Variants in NQO2 observed in about 807,000 individuals in gnomAD.
NQO2 encodes ribosyldihydronicotinamide dehydrogenase [quinone].
NQO2 carries 18 observed loss-of-function variants against 22.0 expected under a neutral mutation model. That is an observed-to-expected ratio of 0.82 (90% CI 0.56 to 1.21). The LOEUF (loss-of-function observed/expected upper bound fraction) is 1.21. Among genes scored for constraint, NQO2 ranks in the 50% most tolerant of loss-of-function variants. NQO2 has a pLI of 0.00. For synonymous variants in NQO2, 106 were observed against 110.8 expected, an observed-to-expected ratio of 0.96 and a Z score of 0.28; for missense variants, 267 against 286.9, an observed-to-expected ratio of 0.93 and a Z score of 0.50.
rs1428010353 is a variant in NQO2 at position 3,019,292 on chromosome 6, G to A, written c.520-187G>A. ...ATTGCAACTGCCCCAAGTTCTTCAC[G>A]GCTCTTATGCAAGGCTGTGTCCTAA... On this transcript the variant is annotated intron_variant, in intron 6 of 6. Coordinates refer to ENST00000380455, the MANE Select transcript of NQO2 (RefSeq NM_000904.6). The A allele has an allele frequency of 1.1e-5, 10 of 931,904 alleles. No individual in the cohort carries two copies. The East Asian group carries it at 3.5e-4, about 33-fold the overall frequency. 57.7% of individuals were successfully genotyped at this position (931,904 alleles called of 1,614,324 possible).
intron 1 of NQO2, among the ~76,000 whole-genome samples, chr6:3,004,927 T>C (rs1756890565): frequency 6.6e-6 from 1 of 152,182 alleles, no homozygotes; most frequent in African/African-American, 2.4e-5. Flanking sequence ...CCCGAGTAGC[T>C]GGGATTACAG....
rs1303436062 is a variant in NQO2 at position 3,010,112 on chromosome 6, G to A, written c.95G>A (p.Arg32Lys). 1.2e-6 allele frequency: 2 copies of A among 1,614,092 alleles called. No individual in the cohort carries two copies. The highest frequency in any genetic ancestry group is 1.7e-6 in the Non-Finnish European group (2 of 1,179,990). Reference protein sequence around the residue: ...LKNVAVDELSRQGCTVTVSDL... With the variant: ...LKNVAVDELSKQGCTVTVSDL... Reference sequence around the variant, plus strand: ...AATGTGGCTGTAGATGAACTGAGCAGGCAGGGCTGCACCGTCACAGTGTCT... The same window carrying A: ...AATGTGGCTGTAGATGAACTGAGCAAGCAGGGCTGCACCGTCACAGTGTCT... Residue 32 changes from arginine (R) to lysine (K), a missense_variant, in exon 3 of 7, where the codon AGG becomes AAG. Transcript: ENST00000380455.
intron 4 of NQO2, among the ~76,000 whole-genome samples, chr6:3,013,788 G>A (rs1757228477): frequency 6.6e-6 from 1 of 152,192 alleles, no homozygotes; most frequent in Non-Finnish European, 1.5e-5. Context: ...TGAGGGAATT[G>A]TTGGGTGACA....
At chr6:3,004,899 C>A (rs896113942) in intron 1 of NQO2, among the ~76,000 whole-genome samples, 1 of 152,068 alleles carries the variant, frequency 6.6e-6, no homozygotes, top group Non-Finnish European at 1.5e-5. Flanking sequence ...TGGACAGAGT[C>A]TCGCTCTGTC....
chr6:3,016,750 G>A, intron 5 of NQO2, 134 bp from the exon 6 acceptor site: 1 of 1,474,058 alleles, frequency 6.8e-7, no homozygotes, highest in Admixed American at 2.1e-5. Flanking sequence ...TGGGAGTGTT[G>A]CATTTGTCCA....
In NQO2 at chr6:3,006,996, G is replaced by A. The variant is rs531708898; in HGVS notation, c.7+437G>A. On this transcript the variant is annotated intron_variant, in intron 2 of 6. Transcript: ENST00000380455. This position sits in a 1 kb window ranked among gnomAD's most constrained non-coding sequence, Gnocchi z 4.0. ...AACTGCTTATCATGCACATATACAT[G>A]AACATGCAATCTCTCAACTTTTTAA... 132 of 399,558 alleles carry A rather than the reference G, an allele frequency of 3.3e-4. No homozygotes were observed. Among genetic ancestry groups the A allele is most frequent in the African/African-American group, 2.4e-3 (119 of 48,722 alleles). The allele number at this position is 399,558 out of a possible 1,614,324, so 24.8% of individuals were successfully genotyped here. A position where few individuals can be genotyped will look rare whatever the true frequency, so the allele number is the denominator to read the frequency against.
At chr6:3,002,787 T>G (rs1756782469) in intron 1 of NQO2, among the ~76,000 whole-genome samples, 1 of 151,916 alleles carries the variant, frequency 6.6e-6, no homozygotes, top group Admixed American at 6.6e-5. Flanking sequence ...ACAGGCTTTC[T>G]TTTTTTTCTT....
intron 5 of NQO2, among the ~76,000 whole-genome samples, chr6:3,016,352 A>G (rs971938201): frequency 6.7e-6 from 1 of 149,960 alleles, no homozygotes; most frequent in Non-Finnish European, 1.5e-5. Flanking sequence ...ACTGGTTTGA[A>G]CCTGGGAGGT....
At position 3,005,582 on chromosome 6, in the gene NQO2, A is replaced by C. The variant is rs576894596; in HGVS notation, c.-85-886A>C. 8 of 920,790 alleles carry C rather than the reference A, an allele frequency of 8.7e-6. 1 individual carries two copies. In the South Asian group the frequency reaches 3.5e-4, roughly 40 times the overall value. 57.0% of individuals were successfully genotyped at this position (920,790 alleles called of 1,614,324 possible). ...AAGCCTTCTGCCCATTTTTGCATTG[A>C]GTTGTTTGCTTTGTTGTTGTTAAGT... is the stretch of plus-strand genomic sequence containing the variant. On this transcript the variant is annotated intron_variant, in intron 1 of 6. Coordinates refer to ENST00000380455, the MANE Select transcript of NQO2 (RefSeq NM_000904.6).
chr6:3,019,430 G>A (rs774349304), intron 6 of NQO2, 49 bp from the exon 7 acceptor site: 7 of 1,565,424 alleles, frequency 4.5e-6, no homozygotes, highest in African/African-American at 1.4e-5. Context: ...TGAATGGTAT[G>A]TAACAGGTGT....
In NQO2 at chr6:3,006,587, C is replaced by A; in HGVS notation, c.7+28C>A. On this transcript the variant is annotated intron_variant, in intron 2 of 6. Coordinates refer to ENST00000380455, the MANE Select transcript of NQO2 (RefSeq NM_000904.6). The surrounding 1 kb of genome is among the most constrained non-coding windows in gnomAD (Gnocchi z 4.0). ...AATGATTCACTATTGTGGAGTAAGA[C>A]TTTTTTTTTTTTGAGATGGGATTTT... 2 of 1,183,772 alleles carry A rather than the reference C, an allele frequency of 1.7e-6. No homozygotes were observed. Among genetic ancestry groups the A allele is most frequent in the Non-Finnish European group, 1.2e-6 (1 of 858,714 alleles). 73.3% of individuals were successfully genotyped at this position (1,183,772 alleles called of 1,614,324 possible). A position where few individuals can be genotyped will look rare whatever the true frequency, so the allele number is the denominator to read the frequency against.
intron 1 of NQO2, among the ~76,000 whole-genome samples, chr6:3,005,060 G>T (rs1045027909): frequency 6.6e-6 from 1 of 152,138 alleles, no homozygotes; most frequent in Non-Finnish European, 1.5e-5. Context: ...CTCCCAAAGT[G>T]CTGGGATTAC....
chr6:3,002,964 C>G (rs896643172), intron 1 of NQO2, among the ~76,000 whole-genome samples: 5 of 152,018 alleles, frequency 3.3e-5, no homozygotes, highest in Non-Finnish European at 7.4e-5. Context: ...CTATGTTGCC[C>G]GGGCTGGTCT....
Position 3,015,520 on chromosome 6 carries a change from C to T in NQO2, c.304-10C>T. ...CAGCCTCAGTTTCTCTTTGGTGTTG[C>T]CGCCCACAGTTCCCGCTGTACTGGT... On this transcript the variant is annotated splice_polypyrimidine_tract_variant and intron_variant, in intron 4 of 6. Coordinates refer to ENST00000380455, the MANE Select transcript of NQO2 (RefSeq NM_000904.6). 6.2e-7 allele frequency: 1 copy of T among 1,610,938 alleles called. No homozygotes were observed. The highest frequency in any genetic ancestry group is 8.5e-7 in the Non-Finnish European group (1 of 1,178,992).
At chr6:3,017,016 G>A (rs1001964145) in intron 6 of NQO2, 31 bp downstream of exon 6, 7 of 1,607,806 alleles carry the variant, frequency 4.4e-6, no homozygotes, top group African/African-American at 2.7e-5. Flanking sequence ...TCCCTTGCTT[G>A]TTGGCACACG....
In NQO2 at chr6:3,006,121, C is replaced by T. The variant is rs4149359; in HGVS notation, c.-85-347C>T. Among the ~76,000 whole-genome samples, 16,900 of 152,188 alleles carry T rather than the reference C, an allele frequency of 0.11. 1,417 individuals carry two copies. Among genetic ancestry groups the T allele is most frequent in the African/African-American group, 0.24 (9,844 of 41,476 alleles). On this transcript the variant is annotated intron_variant, in intron 1 of 6. Transcript: ENST00000380455. This position sits in a 1 kb window ranked among gnomAD's most constrained non-coding sequence, Gnocchi z 4.0. ...ATTGGTGGTGTGGCGGTTCACTGAT[C>T]CCCCAGCCTTCTGCTCGATCTACGG...
At chr6:3,015,446 T>A in intron 4 of NQO2, 84 bp from the exon 5 acceptor site, 1 of 1,526,428 alleles carries the variant, frequency 6.6e-7, no homozygotes, top group Non-Finnish European at 8.8e-7. Context: ...GCTGTGGGCT[T>A]CATTCCGAAT....
At chr6:3,002,881 G>A (rs564318922) in intron 1 of NQO2, among the ~76,000 whole-genome samples, 1 of 152,050 alleles carries the variant, frequency 6.6e-6, no homozygotes, top group African/African-American at 2.4e-5. Flanking sequence ...AGCCCCCTGA[G>A]TAGCTGGGAT....
intron 2 of NQO2, among the ~76,000 whole-genome samples, chr6:3,008,873 A>G (rs1757044781): frequency 6.6e-6 from 1 of 152,146 alleles, no homozygotes; most frequent in South Asian, 2.1e-4. Flanking sequence ...GTACAAATAG[A>G]GTGTGGGTCA....
Sources: allele counts gnomAD v4.1 joint callset (sites outside exome capture counted in the v4.1 genomes callset), GRCh38; gene constraint gnomAD v4.1.1; non-coding constraint Gnocchi (gnomAD v3.1); transcripts MANE v1.5; gene names NCBI Gene and HGNC (gene_info 2026-07-23, HGNC 2026-07-21).